SULT4A1: variants seen among roughly 807,000 people sequenced by gnomAD.
SULT4A1 encodes sulfotransferase family 4A member 1.
SULT4A1 carries 11 observed loss-of-function variants against 35.2 expected under a neutral mutation model. The observed-to-expected ratio is 0.31, with a 90% CI of 0.20 to 0.52. The LOEUF is 0.52. Among genes scored for constraint, SULT4A1 ranks in the 20% least tolerant of loss-of-function variants. SULT4A1 has a pLI of 0.97. For missense variants in SULT4A1, 271 were observed against 383.7 expected (o/e 0.71, Z 2.45); for synonymous variants, 152 against 151.8 (o/e 1.00, Z -0.01).
At chr22:43,860,601 T>G (rs2049455341) in intron 1 of SULT4A1, among the ~76,000 whole-genome samples, 1 of 151,920 alleles carries the variant, frequency 6.6e-6, no homozygotes. Context: ...GACTTCCAAC[T>G]CCGAAGCCAG....
At chr22:43,847,302 T>C (rs2063482973) in intron 1 of SULT4A1, among the ~76,000 whole-genome samples, 1 of 152,124 alleles carries the variant, frequency 6.6e-6, no homozygotes, top group South Asian at 2.1e-4. Context: ...AAAATGGTCA[T>C]TATACTATCT....
At chr22:43,860,332 G>A (rs1037828137) in intron 1 of SULT4A1, among the ~76,000 whole-genome samples, 6 of 151,806 alleles carry the variant, frequency 4.0e-5, no homozygotes, top group Non-Finnish European at 8.8e-5. Flanking sequence ...GGGCCCTCTC[G>A]GCTTCCCCAG....
chr22:43,853,020 TCAGACACA>T (rs2049359298), intron 1 of SULT4A1, among the ~76,000 whole-genome samples: 1 of 151,836 alleles, frequency 6.6e-6, no homozygotes, highest in Non-Finnish European at 1.5e-5. Flanking sequence ...TACACACCCA[TCAGACACA>T]CAGACACACA....
chr22:43,839,024 G>A (rs771776361), intron 3 of SULT4A1, 31 bp from the exon 4 acceptor site: 1 of 1,610,002 alleles, frequency 6.2e-7, no homozygotes, highest in East Asian at 2.2e-5. Flanking sequence ...ATGAGTCCGT[G>A]TCTCCTTCCC....
intron 3 of SULT4A1, among the ~76,000 whole-genome samples, 170 bp from the exon 4 acceptor site, chr22:43,839,163 G>A (rs2063403636): frequency 6.6e-6 from 1 of 152,244 alleles, no homozygotes; most frequent in African/African-American, 2.4e-5. Flanking sequence ...CTGCTTCGCT[G>A]TTTCAGCAGA....
Position 43,831,811 on chromosome 22 carries a change from C to A in SULT4A1, c.603+1829G>T, listed in dbSNP as rs145797422. Among the ~76,000 whole-genome samples the A allele has an allele frequency of 2.3e-3, 352 of 152,352 alleles. 3 individuals carry two copies. Among genetic ancestry groups the A allele is most frequent in the African/African-American group, 7.9e-3 (329 of 41,572 alleles). ...AAGCAGGGGTATCAACTGCAAGAAGCTGGAATGTTCTGGATCTGGAAGGTG... is the reference window on the plus strand; with the variant it reads ...AAGCAGGGGTATCAACTGCAAGAAGATGGAATGTTCTGGATCTGGAAGGTG... On this transcript the variant is annotated intron_variant, in intron 5 of 6. Coordinates refer to ENST00000330884, the MANE Select transcript of SULT4A1 (RefSeq NM_014351.4).
In SULT4A1 at chr22:43,825,972, TG is replaced by T. The variant is rs2063284211; in HGVS notation, c.*28del. 1 of 1,603,748 alleles carries T rather than the reference TG, an allele frequency of 6.2e-7. No homozygotes were observed. The highest frequency in any genetic ancestry group is 1.3e-5 in the African/African-American group (1 of 74,660). The stretch of plus-strand genomic sequence containing the variant: ...TTTGGCTAGTAGACTGTCTGGGTAT[TG>T]TGAGCATGCAGGTTGTTGTTTCTGT... On this transcript the variant is annotated 3_prime_UTR_variant, in exon 7 of 7. Transcript: ENST00000330884.
intron 1 of SULT4A1, among the ~76,000 whole-genome samples, chr22:43,860,439 G>A (rs2049453115): frequency 6.6e-6 from 1 of 152,176 alleles, no homozygotes; most frequent in Admixed American, 6.5e-5. Context: ...TGGGCTAAGC[G>A]TTCTCACCCG....
At chr22:43,859,471 G>A (rs1356709991) in intron 1 of SULT4A1, among the ~76,000 whole-genome samples, 2 of 152,226 alleles carry the variant, frequency 1.3e-5, no homozygotes, top group Non-Finnish European at 2.9e-5. Flanking sequence ...CATGACTTTG[G>A]GGCTGTGCCC....
intron 2 of SULT4A1, among the ~76,000 whole-genome samples, chr22:43,841,146 G>A (rs570511457): frequency 6.6e-6 from 1 of 152,366 alleles, no homozygotes; most frequent in South Asian, 2.1e-4. Flanking sequence ...AGAGCAAAAT[G>A]GCCGTTCAGG....
At chr22:43,826,241 G>A in intron 6 of SULT4A1, 128 bp from the exon 7 acceptor site, 1 of 1,487,434 alleles carries the variant, frequency 6.7e-7, no homozygotes, top group Non-Finnish European at 8.9e-7. Context: ...CTTGGCCTAT[G>A]GGGGCAGGAA....
At chr22:43,847,608 C>T (rs1250389179) in intron 1 of SULT4A1, among the ~76,000 whole-genome samples, 1 of 151,878 alleles carries the variant, frequency 6.6e-6, no homozygotes, top group East Asian at 2.0e-4. Flanking sequence ...GGCCAGCCTC[C>T]CACCCCCTTC....
intron 1 of SULT4A1, among the ~76,000 whole-genome samples, chr22:43,860,570 C>G (rs1048423916): frequency 7.2e-5 from 11 of 152,252 alleles, no homozygotes; most frequent in African/African-American, 2.6e-4. Context: ...TGGTAAGCCG[C>G]AAAACTGCAT....
intron 4 of SULT4A1, among the ~76,000 whole-genome samples, chr22:43,834,356 GCGCCCC>G (rs2063349801): frequency 1.2e-5 from 1 of 85,794 alleles, no homozygotes; most frequent in Non-Finnish European, 2.4e-5. Context: ...TGAGCTTCCC[GCGCCCC>G]CACCGCGGCC....
chr22:43,829,181 C>A lies in SULT4A1; in HGVS notation c.621G>T (p.Val207=). ...CCCCCAGGAATCTGGCCAGCTGCTC[C>A]ACCATCGTCACCAGGTCCTGGAAGA... ...EDMHRDLVTM[V]EQLARFLGVS... The change falls in exon 6 of 7, where the codon GTG becomes GTT. Residue 207 remains valine (V), a synonymous_variant. Transcript: ENST00000330884. 1.3e-6 allele frequency: 2 copies of A among 1,563,612 alleles called. No individual in the cohort carries two copies. The highest frequency in any genetic ancestry group is 2.4e-5 in the East Asian group (1 of 41,444).
At chr22:43,837,857 C>CA (rs2063389993) in intron 4 of SULT4A1, among the ~76,000 whole-genome samples, 1 of 152,224 alleles carries the variant, frequency 6.6e-6, no homozygotes, top group South Asian at 2.1e-4. Flanking sequence ...CTCATCCTGT[C>CA]ACATAAGCCC....
chr22:43,839,818 T>G (rs1325050722), intron 3 of SULT4A1, 127 bp downstream of exon 3: 1 of 849,298 alleles, frequency 1.2e-6, no homozygotes, highest in Non-Finnish European at 1.9e-6. Flanking sequence ...TCTTCACGTG[T>G]GGGCTCCTTG....
At position 43,826,025 on chromosome 22, in the gene SULT4A1, G is replaced by A. The variant is rs746292009; in HGVS notation, c.831C>T (p.Asp277=). The part of the protein sequence containing the change: ...LVYKQKMGKC[D]LTFDFYL Reference sequence around the variant, plus strand: ...ATTATAAATAAAAGTCAAACGTGAGGTCACACTTTCCCATCTTCTGTTTAT... The same window carrying A: ...ATTATAAATAAAAGTCAAACGTGAGATCACACTTTCCCATCTTCTGTTTAT... The change falls in exon 7 of 7, where the codon GAC becomes GAT. Residue 277 remains aspartate (D), a synonymous_variant. Coordinates refer to ENST00000330884, the MANE Select transcript of SULT4A1 (RefSeq NM_014351.4). 6.2e-7 allele frequency: 1 copy of A among 1,614,120 alleles called. No individual in the cohort carries two copies.
At chr22:43,861,979 C>T (rs756241177) in intron 1 of SULT4A1, among the ~76,000 whole-genome samples, 1 of 152,208 alleles carries the variant, frequency 6.6e-6, no homozygotes, top group Non-Finnish European at 1.5e-5. Flanking sequence ...GGGCCGCTCC[C>T]GAAGGTCTCT....
Sources: allele counts gnomAD v4.1 joint callset (sites outside exome capture counted in the v4.1 genomes callset), GRCh38; gene constraint gnomAD v4.1.1; transcripts MANE v1.5; gene names NCBI Gene and HGNC (gene_info 2026-07-23, HGNC 2026-07-21).